Variants in TPST1 observed in about 807,000 individuals in gnomAD.
TPST1 encodes protein-tyrosine sulfotransferase 1.
In TPST1, 20 loss-of-function variants were observed where a neutral mutation model predicts 34.8. The ratio of observed to expected loss-of-function variants is 0.57; its 90% confidence interval spans 0.40 to 0.84. TPST1 has a LOEUF of 0.84. Among genes scored for constraint, TPST1 ranks in the 40% least tolerant of loss-of-function variants. The pLI is 0.00. For synonymous variants in TPST1, 152 were observed against 159.4 expected (o/e 0.95, Z 0.35); for missense variants, 353 against 455.5 (o/e 0.78, Z 2.05).
chr7:66,357,881 C>T (rs745465424), intron 5 of TPST1, among the ~76,000 whole-genome samples: 8 of 152,076 alleles, frequency 5.3e-5, no homozygotes, highest in Middle Eastern at 3.2e-3. Flanking sequence ...GTCAGGAGTT[C>T]GAGACCAGCC....
At chr7:66,294,056 C>G (rs922557800) in intron 3 of TPST1, among the ~76,000 whole-genome samples, 2 of 152,132 alleles carry the variant, frequency 1.3e-5, no homozygotes, top group Non-Finnish European at 2.9e-5. Context: ...CACTCTGACA[C>G]TTTTTAAAGT....
intron 1 of TPST1, among the ~76,000 whole-genome samples, chr7:66,234,436 C>CACACACAG: frequency 6.6e-6 from 1 of 151,574 alleles, no homozygotes; most frequent in Non-Finnish European, 1.5e-5. Context: ...CACACAGACA[C>CACACACAG]ACACACACAC....
the TPST1 span, among the ~76,000 whole-genome samples, chr7:66,198,812 G>A: frequency 6.6e-6 from 1 of 152,214 alleles, no homozygotes; most frequent in Non-Finnish European, 1.5e-5. Context: ...TCTAGGGGTG[G>A]AGAAAGTCAG....
At chr7:66,231,007 CAG>C (rs1789775329) in intron 1 of TPST1, among the ~76,000 whole-genome samples, 1 of 152,098 alleles carries the variant, frequency 6.6e-6, no homozygotes, top group South Asian at 2.1e-4. Flanking sequence ...GAGCTAGACA[CAG>C]GGTGCTGATT....
intron 3 of TPST1, among the ~76,000 whole-genome samples, chr7:66,346,695 A>T (rs188815883): frequency 2.2e-3 from 336 of 151,850 alleles, no homozygotes; most frequent in African/African-American, 7.4e-3. Flanking sequence ...TTTTTTATTG[A>T]CTTGTTTGAG....
intron 1 of TPST1, among the ~76,000 whole-genome samples, chr7:66,210,733 G>A (rs1392567568): frequency 6.6e-6 from 1 of 152,198 alleles, no homozygotes; most frequent in Admixed American, 6.5e-5. Context: ...GCAGATTGAG[G>A]TGGGAGGATT....
chr7:66,219,683 C>A (rs763991517), intron 1 of TPST1, among the ~76,000 whole-genome samples: 1 of 152,164 alleles, frequency 6.6e-6, no homozygotes, highest in Non-Finnish European at 1.5e-5. Context: ...TAAATAATAG[C>A]AGATGGTCTT....
intron 3 of TPST1, among the ~76,000 whole-genome samples, chr7:66,296,450 G>GT (rs1252530603): frequency 6.6e-6 from 1 of 151,960 alleles, no homozygotes; most frequent in Non-Finnish European, 1.5e-5. Flanking sequence ...TTTTTTGCCT[G>GT]TAATAAGTCA....
chr7:66,208,321 C>T (rs1197750206), intron 1 of TPST1, among the ~76,000 whole-genome samples: 2 of 152,136 alleles, frequency 1.3e-5, no homozygotes, highest in Admixed American at 6.6e-5. Context: ...GGAGCATCAC[C>T]CTGGTGAGAG....
chr7:66,234,510 G>T (rs73142265), intron 1 of TPST1, among the ~76,000 whole-genome samples: 6 of 151,362 alleles, frequency 4.0e-5, no homozygotes, highest in Non-Finnish European at 5.9e-5. Flanking sequence ...GTTATTGGTC[G>T]TTTGGGTTTT....
At chr7:66,342,826 A>C (rs566674740) in intron 3 of TPST1, among the ~76,000 whole-genome samples, 20 of 152,188 alleles carry the variant, frequency 1.3e-4, no homozygotes, top group Non-Finnish European at 2.6e-4. Context: ...GACAACATCA[A>C]GCCATTCATG....
intron 3 of TPST1, among the ~76,000 whole-genome samples, chr7:66,336,741 A>G (rs574646526): frequency 2.0e-5 from 3 of 152,344 alleles, no homozygotes; most frequent in African/African-American, 7.2e-5. Flanking sequence ...CTGTCTAGGT[A>G]CAGGAAGCTC....
At chr7:66,358,664 C>G (rs1287827514) in intron 5 of TPST1, among the ~76,000 whole-genome samples, 4 of 152,192 alleles carry the variant, frequency 2.6e-5, no homozygotes, top group Non-Finnish European at 5.9e-5. Context: ...TTGACAGGTT[C>G]TAGGATTCAG....
At chr7:66,247,619 A>C (rs1790177979) in intron 2 of TPST1, among the ~76,000 whole-genome samples, 1 of 152,202 alleles carries the variant, frequency 6.6e-6, no homozygotes, top group Admixed American at 6.5e-5. Context: ...CAACAGATAA[A>C]GGGAAGCGCA....
At chr7:66,328,010 C>CTTT in intron 3 of TPST1, among the ~76,000 whole-genome samples, 1 of 57,478 alleles carries the variant, frequency 1.7e-5, no homozygotes, top group Non-Finnish European at 3.6e-5. Context: ...TTTTTCCTTT[C>CTTT]CTTTTTTTTT....
At chr7:66,357,896 C>T (rs140195071) in intron 5 of TPST1, among the ~76,000 whole-genome samples, 7,860 of 152,186 alleles carry the variant, frequency 0.052, 274 homozygotes, top group Non-Finnish European at 0.072. Flanking sequence ...CCAGCCTGGC[C>T]AACATAGTGA....
intron 3 of TPST1, among the ~76,000 whole-genome samples, chr7:66,306,455 C>G (rs1013462371): frequency 1.3e-5 from 2 of 152,226 alleles, no homozygotes; most frequent in South Asian, 2.1e-4. Flanking sequence ...GGAGTTTGCT[C>G]TGACTCCCTG....
At chr7:66,228,357 G>T (rs868269727) in intron 1 of TPST1, among the ~76,000 whole-genome samples, 1 of 152,154 alleles carries the variant, frequency 6.6e-6, no homozygotes, top group Non-Finnish European at 1.5e-5. Flanking sequence ...GGTAATTTTT[G>T]AAAGAAGTTG....
chr7:66,358,592 TAAG>T (rs1461768518), intron 5 of TPST1, among the ~76,000 whole-genome samples: 1 of 152,146 alleles, frequency 6.6e-6, no homozygotes, highest in African/African-American at 2.4e-5. Flanking sequence ...ATTATAGACA[TAAG>T]AAGCACATGG....
Sources: gnomAD v4.1 joint callset for allele counts (sites outside exome capture counted in the v4.1 genomes callset) on GRCh38, gnomAD v4.1.1 for gene constraint, MANE v1.5 for transcripts, NCBI Gene and HGNC (gene_info 2026-07-23, HGNC 2026-07-21) for gene names.